CNOT1: variants seen among roughly 807,000 people sequenced by gnomAD.
CNOT1 encodes the protein CCR4-associated factor 1.
In CNOT1, 15 loss-of-function variants were observed where a neutral mutation model predicts 273.8. That is an observed-to-expected ratio of 0.05 (90% CI 0.04 to 0.08). CNOT1 has a LOEUF of 0.08. Ranked by LOEUF, CNOT1 falls within the 10% of genes least tolerant of loss-of-function variation. The pLI is 1.00. For missense variants in CNOT1, 1,644 were observed against 2,912.2 expected (o/e 0.56, Z 10.02); for synonymous variants, 1,022 against 1,005.5 (o/e 1.02, Z -0.31).
chr16:58,539,667 T>A lies in CNOT1; in HGVS notation c.4992+101A>T, dbSNP rs59302179. 231,769 of 1,205,122 alleles carry A rather than the reference T, an allele frequency of 0.19. 24,192 individuals are homozygous for A. Among genetic ancestry groups the A allele is most frequent in the East Asian group, 0.36 (13,914 of 39,078 alleles). 74.7% of individuals were successfully genotyped at this position (1,205,122 alleles called of 1,614,324 possible). On this transcript the variant is annotated intron_variant, in intron 35 of 48. Transcript: ENST00000317147. ...TACTTACAGAACTTGATTTATATTA[T>A]GAAATCTTAAGCATAACTGCATAAA...
In CNOT1 at chr16:58,585,328, T is replaced by C; in HGVS notation, c.806+10A>G. On this transcript the variant is annotated intron_variant, in intron 8 of 48. Transcript: ENST00000317147. ...GAATAATCAGAAGCTTAACACATTTTACTACCAACCTTGCACAAAAGCCAT... is the reference window on the plus strand; with the variant it reads ...GAATAATCAGAAGCTTAACACATTTCACTACCAACCTTGCACAAAAGCCAT... 1 of 1,613,510 alleles carries C rather than the reference T, an allele frequency of 6.2e-7. No individual in the cohort carries two copies. The highest frequency in any genetic ancestry group is 8.5e-7 in the Non-Finnish European group (1 of 1,179,944).
At chr16:58,577,369 G>A (rs1293171549) in intron 13 of CNOT1, among the ~76,000 whole-genome samples, 4 of 152,158 alleles carry the variant, frequency 2.6e-5, no homozygotes, top group Non-Finnish European at 5.9e-5. Flanking sequence ...CAAATGCTTG[G>A]TTAAATGTTT....
chr16:58,583,854 A>C (rs1346262628), intron 8 of CNOT1, among the ~76,000 whole-genome samples: 1 of 151,830 alleles, frequency 6.6e-6, no homozygotes, highest in Admixed American at 6.6e-5. Context: ...ATTTTTTTAA[A>C]ACAGGCAAAC....
rs752774969 is a variant in CNOT1 at position 58,546,764 on chromosome 16, T to A, written c.3751-15A>T. 3.1e-6 allele frequency: 5 copies of A among 1,613,802 alleles called. No individual in the cohort carries two copies. In the Admixed American group the frequency reaches 8.3e-5, roughly 27 times the overall value. On this transcript the variant is annotated splice_polypyrimidine_tract_variant and intron_variant, in intron 27 of 48. Coordinates refer to ENST00000317147, the MANE Select transcript of CNOT1 (RefSeq NM_016284.5). ...GGCCTAAAAACCTAAAGAAAAGCTA[T>A]TATGTTAAGCTGGCCCAAAATGTGC...
intron 39 of CNOT1, among the ~76,000 whole-genome samples, chr16:58,535,986 G>T (rs1042404772): frequency 6.6e-6 from 1 of 152,108 alleles, no homozygotes; most frequent in South Asian, 2.1e-4. Context: ...CGCCTGCCTC[G>T]GCCTCCCAAA....
At chr16:58,611,140 C>T (rs1356659948) in intron 1 of CNOT1, among the ~76,000 whole-genome samples, 5 of 151,896 alleles carry the variant, frequency 3.3e-5, no homozygotes, top group African/African-American at 4.8e-5. Context: ...TTTAAACTCC[C>T]CAGTCAGGCT....
At chr16:58,570,696 A>C (rs1217456562) in intron 16 of CNOT1, among the ~76,000 whole-genome samples, 1 of 152,218 alleles carries the variant, frequency 6.6e-6, no homozygotes, top group Non-Finnish European at 1.5e-5. Context: ...TTGCATGACA[A>C]TAATGGCAAA....
chr16:58,585,527 C>T (rs1296189152), intron 7 of CNOT1, 21 bp from the exon 8 acceptor site: 2 of 1,608,332 alleles, frequency 1.2e-6, no homozygotes, highest in African/African-American at 1.3e-5. Context: ...AAAAAGGTTA[C>T]AACTGCTATA....
chr16:58,530,107 TAC>T (rs1217721513), intron 43 of CNOT1, 137 bp downstream of exon 43: 3 of 599,600 alleles, frequency 5.0e-6, no homozygotes, highest in Non-Finnish European at 8.6e-6. Context: ...GTTATGCAAG[TAC>T]ACTTGATTTT....
intron 24 of CNOT1, among the ~76,000 whole-genome samples, chr16:58,550,878 T>C (rs2040429063): frequency 1.3e-5 from 2 of 152,178 alleles, no homozygotes; most frequent in South Asian, 2.1e-4. Context: ...GTATGACTAA[T>C]GACTAGTACA....
chr16:58,586,875 T>C, intron 6 of CNOT1, 127 bp from the exon 7 acceptor site: 2 of 1,118,890 alleles, frequency 1.8e-6, no homozygotes, highest in Non-Finnish European at 1.3e-6. Context: ...TCTAATGCTT[T>C]CTCTAGCTGA....
chr16:58,604,540 G>A (rs1042311982), intron 1 of CNOT1, among the ~76,000 whole-genome samples: 1 of 151,470 alleles, frequency 6.6e-6, no homozygotes, highest in South Asian at 2.1e-4. Flanking sequence ...CCAGCACTTT[G>A]GGAGGCCAAG....
chr16:58,583,032 G>T (rs1335038011), intron 9 of CNOT1, 24 bp downstream of exon 9: 3 of 1,612,960 alleles, frequency 1.9e-6, no homozygotes. Flanking sequence ...AACTCACTTG[G>T]TAAAATAGCT....
intron 1 of CNOT1, among the ~76,000 whole-genome samples, chr16:58,626,590 T>A (rs2043595324): frequency 6.6e-6 from 1 of 151,590 alleles, no homozygotes; most frequent in Non-Finnish European, 1.5e-5. Flanking sequence ...TGAAACCCCG[T>A]CTCTACCAAA....
At chr16:58,580,592 A>G in intron 12 of CNOT1, 41 bp downstream of exon 12, 1 of 1,585,902 alleles carries the variant, frequency 6.3e-7, no homozygotes, top group South Asian at 1.2e-5. Flanking sequence ...TCACAAAATA[A>G]GAAGTAATCT....
intron 1 of CNOT1, among the ~76,000 whole-genome samples, chr16:58,627,400 T>C (rs987010267): frequency 1.3e-4 from 1 of 7,674 alleles, no homozygotes; most frequent in Admixed American, 8.3e-4. Context: ...CGAGACTCCA[T>C]CTCAAAAAAA....
At chr16:58,596,980 A>G (rs972656914) in intron 2 of CNOT1, among the ~76,000 whole-genome samples, 1 of 151,624 alleles carries the variant, frequency 6.6e-6, no homozygotes, top group African/African-American at 2.4e-5. Context: ...GTCAAGGACC[A>G]TAAGAAGGTA....
rs181298015 is a variant in CNOT1 at position 58,552,438 on chromosome 16, G to C, written c.2971-619C>G. Among the ~76,000 whole-genome samples, 4 of 152,282 alleles carry C rather than the reference G, an allele frequency of 2.6e-5. No homozygotes were observed. The East Asian group carries it at 7.7e-4, about 29-fold the overall frequency. ...CCTTTACGCTGATAAAGTACAGAAA[G>C]TGATGATCTCTCTCTCTCTCTGGCT... On this transcript the variant is annotated intron_variant, in intron 22 of 48. Coordinates refer to ENST00000317147, the MANE Select transcript of CNOT1 (RefSeq NM_016284.5).
In CNOT1 at chr16:58,552,930, T is replaced by C. The variant is rs1021507659; in HGVS notation, c.2970+852A>G. ...AATAACAATCATACAAAATGGTTTT[T>C]AAAATGTATATTCCTTACGTCTATT... On this transcript the variant is annotated intron_variant, in intron 22 of 48. Coordinates refer to ENST00000317147, the MANE Select transcript of CNOT1 (RefSeq NM_016284.5). Among the ~76,000 whole-genome samples, 6 of 152,220 alleles carry C rather than the reference T, an allele frequency of 3.9e-5. No individual in the cohort carries two copies. In the East Asian group the frequency reaches 7.7e-4, roughly 20 times the overall value.
Sources: gnomAD v4.1 joint callset for allele counts (sites outside exome capture counted in the v4.1 genomes callset) on GRCh38, gnomAD v4.1.1 for gene constraint, MANE v1.5 for transcripts, NCBI Gene and HGNC (gene_info 2026-07-23, HGNC 2026-07-21) for gene names.